The following GRIK2 variants were observed in gnomAD, a reference collection of about 807,000 sequenced individuals.
GRIK2 encodes glutamate receptor ionotropic, kainate 2.
In GRIK2, 32 loss-of-function variants were observed where a neutral mutation model predicts 100.3. That is an observed-to-expected ratio of 0.32 (90% CI 0.24 to 0.43). The LOEUF is 0.43. GRIK2 is among the 20% of genes least tolerant of loss of function. GRIK2 has a pLI of 1.00. For synonymous variants in GRIK2, 417 were observed against 389.4 expected, an observed-to-expected ratio of 1.07 and a Z score of -0.83; for missense variants, 843 against 1,114.9, an observed-to-expected ratio of 0.76 and a Z score of 3.47.
intron 14 of GRIK2, among the ~76,000 whole-genome samples, chr6:102,011,518 G>A (rs1323147259): frequency 7.0e-6 from 1 of 142,594 alleles, no homozygotes; most frequent in East Asian, 2.0e-4. Context: ...GCAGAGCAAG[G>A]TTTTAAATTT....
At chr6:102,008,198 C>T (rs62423078) in intron 14 of GRIK2, among the ~76,000 whole-genome samples, 3,336 of 151,784 alleles carry the variant, frequency 0.022, 40 homozygotes, top group Non-Finnish European at 0.036. Context: ...CTTCAGTGTA[C>T]AAATAGAAAG....
intron 7 of GRIK2, among the ~76,000 whole-genome samples, chr6:101,754,118 T>G (rs1218879572): frequency 6.6e-6 from 1 of 152,072 alleles, no homozygotes; most frequent in Non-Finnish European, 1.5e-5. Context: ...CTCCTATAAG[T>G]ATATAGTATT....
At chr6:101,540,777 A>T (rs1775947641) in intron 2 of GRIK2, among the ~76,000 whole-genome samples, 1 of 151,988 alleles carries the variant, frequency 6.6e-6, no homozygotes, top group Admixed American at 6.6e-5. Flanking sequence ...CTTGATTTAC[A>T]GATATAATGT....
intron 14 of GRIK2, among the ~76,000 whole-genome samples, chr6:101,947,087 A>C (rs1489904543): frequency 6.6e-6 from 1 of 152,198 alleles, no homozygotes; most frequent in Non-Finnish European, 1.5e-5. Flanking sequence ...AATTTTTCAA[A>C]GGTGTGCTCT....
intron 14 of GRIK2, among the ~76,000 whole-genome samples, chr6:102,023,029 A>G (rs914385504): frequency 6.6e-6 from 1 of 151,526 alleles, no homozygotes; most frequent in Non-Finnish European, 1.5e-5. Context: ...AGAGTGTTGC[A>G]AGAATGCAGG....
intron 4 of GRIK2, among the ~76,000 whole-genome samples, chr6:101,651,500 G>A (rs986501986): frequency 2.6e-5 from 4 of 152,088 alleles, no homozygotes; most frequent in Admixed American, 6.6e-5. Flanking sequence ...TCATAAATAT[G>A]TAAATTGTAG....
intron 2 of GRIK2, among the ~76,000 whole-genome samples, chr6:101,418,016 T>G: frequency 6.6e-6 from 1 of 152,354 alleles, no homozygotes; most frequent in Admixed American, 6.5e-5. Flanking sequence ...TGCAGAGTTC[T>G]GTGTGTTTAT....
At chr6:101,646,324 A>C (rs576093717) in intron 4 of GRIK2, among the ~76,000 whole-genome samples, 22 of 152,058 alleles carry the variant, frequency 1.4e-4, no homozygotes, top group African/African-American at 3.6e-4. Flanking sequence ...TTGATGATCT[A>C]ATTATAATGC....
chr6:101,983,292 T>A (rs1793824612), intron 14 of GRIK2, among the ~76,000 whole-genome samples: 1 of 151,842 alleles, frequency 6.6e-6, no homozygotes, highest in Non-Finnish European at 1.5e-5. Flanking sequence ...TGAAGTTAGT[T>A]AGAGAAAATG....
intron 12 of GRIK2, among the ~76,000 whole-genome samples, chr6:101,909,290 G>C (rs1162487943): frequency 6.7e-6 from 1 of 149,030 alleles, no homozygotes; most frequent in Non-Finnish European, 1.5e-5. Flanking sequence ...CTATAAATAG[G>C]AACAGGAAGG....
intron 2 of GRIK2, among the ~76,000 whole-genome samples, chr6:101,469,586 A>G (rs1473483709): frequency 6.6e-6 from 1 of 152,224 alleles, no homozygotes; most frequent in African/African-American, 2.4e-5. Flanking sequence ...GTATAAATTT[A>G]GTACATGGTG....
At chr6:102,007,863 T>C (rs1795322274) in intron 14 of GRIK2, among the ~76,000 whole-genome samples, 1 of 152,050 alleles carries the variant, frequency 6.6e-6, no homozygotes, top group Non-Finnish European at 1.5e-5. Flanking sequence ...GGAATACCTC[T>C]ATCCTTCCTA....
Position 101,558,913 on chromosome 6 carries a change from T to TA in GRIK2, c.116-63031dup, listed in dbSNP as rs533349296. On this transcript the variant is annotated intron_variant, in intron 2 of 16. Coordinates refer to ENST00000369134, the MANE Select transcript of GRIK2 (RefSeq NM_021956.5). ...TCAATTCACCTCAAACCAGATATGG[T>TA]AAAAATAAAACAGATCACCGTATAT... Among the ~76,000 whole-genome samples the TA allele has an allele frequency of 1.4e-3, 211 of 152,196 alleles. 1 individual carries two copies. Among genetic ancestry groups the TA allele is most frequent in the African/African-American group, 4.6e-3 (191 of 41,548 alleles).
chr6:101,454,083 C>T (rs1366077033), intron 2 of GRIK2, among the ~76,000 whole-genome samples: 1 of 151,992 alleles, frequency 6.6e-6, no homozygotes, highest in Non-Finnish European at 1.5e-5. Flanking sequence ...TTATTCCTAC[C>T]GTAGACTGAA....
intron 2 of GRIK2, among the ~76,000 whole-genome samples, chr6:101,544,366 A>G (rs1776138457): frequency 6.6e-6 from 1 of 152,180 alleles, no homozygotes; most frequent in Non-Finnish European, 1.5e-5. Context: ...TCATCATTTA[A>G]TACAAAGCTG....
At position 101,762,009 on chromosome 6, in the gene GRIK2, T is replaced by C. The variant is rs12182229; in HGVS notation, c.952-37639T>C. On this transcript the variant is annotated intron_variant, in intron 7 of 16. Transcript: ENST00000369134. Reference sequence around the variant, plus strand: ...CCTTCCTTCCTCCCTTCTTTTCTTTTCTTCCTTTCTTTCCTTTGTTTGTTT... The same window carrying C: ...CCTTCCTTCCTCCCTTCTTTTCTTTCCTTCCTTTCTTTCCTTTGTTTGTTT... Among the ~76,000 whole-genome samples, 12 of 98,340 alleles carry C rather than the reference T, an allele frequency of 1.2e-4. 1 individual carries two copies. The highest frequency in any genetic ancestry group is 4.2e-4 in the South Asian group (1 of 2,374). The allele number at this position is 98,340 out of a possible 152,430, so 64.5% of individuals were successfully genotyped here.
At chr6:101,453,970 G>A (rs1471711561) in intron 2 of GRIK2, among the ~76,000 whole-genome samples, 1 of 151,966 alleles carries the variant, frequency 6.6e-6, no homozygotes, top group African/African-American at 2.4e-5. Flanking sequence ...ATAAAAAAGG[G>A]AATAACCCAG....
chr6:101,605,323 G>A (rs947702093), intron 2 of GRIK2, among the ~76,000 whole-genome samples: 3 of 151,932 alleles, frequency 2.0e-5, no homozygotes, highest in African/African-American at 7.2e-5. Context: ...ATCCATGCAT[G>A]CTTATGGAAA....
chr6:101,592,012 C>T (rs916629886), intron 2 of GRIK2, among the ~76,000 whole-genome samples: 3 of 151,792 alleles, frequency 2.0e-5, no homozygotes, highest in Admixed American at 6.6e-5. Flanking sequence ...AATTCTTGCT[C>T]AATTAGTTCA....
Sources: gnomAD v4.1 joint callset for allele counts (sites outside exome capture counted in the v4.1 genomes callset) on GRCh38, gnomAD v4.1.1 for gene constraint, MANE v1.5 for transcripts, NCBI Gene and HGNC (gene_info 2026-07-23, HGNC 2026-07-21) for gene names.